The following HEBP2 variants were observed in gnomAD, a reference collection of about 807,000 sequenced individuals.
HEBP2 encodes heme binding protein 2.
In HEBP2, 27 loss-of-function variants were observed where a neutral mutation model predicts 23.1. The observed-to-expected ratio is 1.17, with a 90% CI of 0.86 to 1.61. The LOEUF (loss-of-function observed/expected upper bound fraction) is 1.61, where lower values mean the gene tolerates loss of function less well. Ranked by LOEUF, HEBP2 falls within the 40% of genes most tolerant of loss-of-function variation. The pLI, the probability that HEBP2 is intolerant of heterozygous loss-of-function variation, is 0.00. For missense variants in HEBP2, 245 were observed against 253.8 expected, an observed-to-expected ratio of 0.97 and a Z score of 0.24; for synonymous variants, 99 against 95.1, an observed-to-expected ratio of 1.04 and a Z score of -0.24.
chr6:138,406,731 C>CGAT, intron 3 of HEBP2, among the ~76,000 whole-genome samples: 1 of 152,338 alleles, frequency 6.6e-6, no homozygotes, highest in South Asian at 2.1e-4. Flanking sequence ...TCTCCTAATA[C>CGAT]TATCACATTA....
rs1774869062 is a variant in HEBP2, at chr6:138,418,247, T to C, written c.*5169T>C. On this transcript the variant is annotated 3_prime_UTR_variant, in exon 4 of 4. Transcript: ENST00000607197. ...GAAGAAATTAGCAGCTTGAATTATGTGATGTGGCAGATCTTATGTATTGGA... is the reference window on the plus strand; with the variant it reads ...GAAGAAATTAGCAGCTTGAATTATGCGATGTGGCAGATCTTATGTATTGGA... 1 of 152,172 alleles carries C rather than the reference T, an allele frequency of 6.6e-6. No homozygotes were observed. Among genetic ancestry groups the C allele is most frequent in the Admixed American group, 6.5e-5 (1 of 15,280 alleles). The allele number at this position is 152,172 out of a possible 1,614,324, so 9.4% of individuals were successfully genotyped here.
chr6:138,411,240 A>G (rs1228823296), intron 3 of HEBP2, among the ~76,000 whole-genome samples: 2 of 152,230 alleles, frequency 1.3e-5, no homozygotes, highest in Non-Finnish European at 2.9e-5. Flanking sequence ...ATGTATACTT[A>G]AACTTTTATT....
intron 2 of HEBP2, 90 bp downstream of exon 2, chr6:138,405,370 A>G (rs1429177672): frequency 2.0e-6 from 3 of 1,504,510 alleles, no homozygotes; most frequent in Non-Finnish European, 2.7e-6. Flanking sequence ...AATATCCTTT[A>G]TAATGGAAAA....
chr6:138,421,429 A>G lies in HEBP2; in HGVS notation c.*8351A>G, dbSNP rs567500593. 1 of 152,370 alleles carries G rather than the reference A, an allele frequency of 6.6e-6. No individual in the cohort carries two copies. Among genetic ancestry groups the G allele is most frequent in the East Asian group, 1.9e-4 (1 of 5,192 alleles). The allele number at this position is 152,370 out of a possible 1,614,324, so 9.4% of individuals were successfully genotyped here. On this transcript the variant is annotated 3_prime_UTR_variant, in exon 4 of 4. Transcript: ENST00000607197. ...AGCAAGAGTTCAATCAAGATTCTTC[A>G]GAAATAGTAGGATGGCAGAAAGCAG...
rs957950160 is a variant in HEBP2, at chr6:138,415,277, C to T, written c.*2199C>T. The T allele has an allele frequency of 3.9e-5, 6 of 152,258 alleles. No homozygotes were observed. In the East Asian group the frequency reaches 1.2e-3, roughly 29 times the overall value. 9.4% of individuals were successfully genotyped at this position (152,258 alleles called of 1,614,324 possible). A position where few individuals can be genotyped will look rare whatever the true frequency, so the allele number is the denominator to read the frequency against. ...ACAATTGGTACCAGTGGCCCACGAA[C>T]GTAGGTGGTAAGACAGCATTTGCAG... is the stretch of plus-strand genomic sequence containing the variant. On this transcript the variant is annotated 3_prime_UTR_variant, in exon 4 of 4. Coordinates refer to ENST00000607197, the MANE Select transcript of HEBP2 (RefSeq NM_014320.3).
At chr6:138,405,326 C>G (rs1441628224) in intron 2 of HEBP2, 46 bp downstream of exon 2, 1 of 1,606,876 alleles carries the variant, frequency 6.2e-7, no homozygotes, top group Non-Finnish European at 8.5e-7. Context: ...GAAAGAGTCC[C>G]CGGGCTTATT....
chr6:138,404,312 C>T lies in HEBP2; in HGVS notation c.-184C>T, dbSNP rs540446088. The T allele has an allele frequency of 3.3e-3, 1,163 of 351,540 alleles. 12 individuals are homozygous for T. The highest frequency in any genetic ancestry group is 0.022 in the African/African-American group (1,047 of 46,760). The allele number at this position is 351,540 out of a possible 1,614,324, so 21.8% of individuals were successfully genotyped here. ...AGCCGGCCCCGCCTTGGTGGCGGCG[C>T]CCCCTCGCGGTCCAGAGGCAGACGC... On this transcript the variant is annotated 5_prime_UTR_variant, in exon 1 of 4. Transcript: ENST00000607197.
Position 138,405,388 on chromosome 6 carries a change from A to G in HEBP2, c.238+108A>G, listed in dbSNP as rs1774626708. The stretch of plus-strand genomic sequence containing the variant: ...ATCCTTTATAATGGAAAAATAAGCA[A>G]GTCATCAAAGACTTGTCTTGTTTTC... On this transcript the variant is annotated intron_variant, in intron 2 of 3. Transcript: ENST00000607197. The G allele has an allele frequency of 1.7e-5, 24 of 1,377,070 alleles. No homozygotes were observed. In the East Asian group the frequency reaches 5.5e-4, roughly 31 times the overall value. The allele number at this position is 1,377,070 out of a possible 1,614,324, so 85.3% of individuals were successfully genotyped here.
Position 138,417,966 on chromosome 6 carries a change from C to T in HEBP2, c.*4888C>T, listed in dbSNP as rs1335424971. On this transcript the variant is annotated 3_prime_UTR_variant, in exon 4 of 4. Transcript: ENST00000607197. ...GGTCAAATTGTCCCTAGACCAAAGG[C>T]TTCTTTGGACTTCCCCTAACAAAGC... 2 of 152,152 alleles carry T rather than the reference C, an allele frequency of 1.3e-5. No homozygotes were observed. Among genetic ancestry groups the T allele is most frequent in the Non-Finnish European group, 1.5e-5 (1 of 68,036 alleles). The allele number at this position is 152,152 out of a possible 1,614,324, so 9.4% of individuals were successfully genotyped here.
At chr6:138,411,953 C>CA in intron 3 of HEBP2, 2 of 366,060 alleles carry the variant, frequency 5.5e-6, no homozygotes, top group Non-Finnish European at 1.1e-5. Context: ...AAAAAACAAA[C>CA]AAACAAAAAA....
rs780091303 is a variant in HEBP2, at chr6:138,412,795, C to T, written c.420-85C>T. 3.8e-5 allele frequency: 44 copies of T among 1,156,984 alleles called. 1 individual carries two copies. The highest frequency in any genetic ancestry group is 1.3e-4 in the Admixed American group (7 of 54,320). The allele number at this position is 1,156,984 out of a possible 1,614,324, so 71.7% of individuals were successfully genotyped here. On this transcript the variant is annotated intron_variant, in intron 3 of 3. Coordinates refer to ENST00000607197, the MANE Select transcript of HEBP2 (RefSeq NM_014320.3). ...GGAGCTGCACTTCACTCAGCATTCA[C>T]GGTACTAGCGCCCGCTTTTTGCTTC...
intron 2 of HEBP2, 152 bp from the exon 3 acceptor site, chr6:138,405,819 T>C: frequency 1.6e-6 from 1 of 631,828 alleles, no homozygotes; most frequent in Non-Finnish European, 2.7e-6. Flanking sequence ...AATTGAGTAA[T>C]TTTGGCCTTA....
rs1774834509 is a variant in HEBP2, at chr6:138,415,921, G to GT, written c.*2844dup. 2 of 152,300 alleles carry GT rather than the reference G, an allele frequency of 1.3e-5. No individual in the cohort carries two copies. Among genetic ancestry groups the GT allele is most frequent in the South Asian group, 4.2e-4 (2 of 4,816 alleles). 9.4% of individuals were successfully genotyped at this position (152,300 alleles called of 1,614,324 possible). A position where few individuals can be genotyped will look rare whatever the true frequency, so the allele number is the denominator to read the frequency against. ...CTCTTCCCTAACACAAGGGAAGACA[G>GT]TGTCCAAGGTCTTTCCCCATGAAGC... On this transcript the variant is annotated 3_prime_UTR_variant, in exon 4 of 4. Coordinates refer to ENST00000607197, the MANE Select transcript of HEBP2 (RefSeq NM_014320.3).
chr6:138,404,074 C>T (rs1583100134), upstream of HEBP2: 1 of 218,118 alleles, frequency 4.6e-6, no homozygotes, highest in Non-Finnish European at 8.9e-6. Context: ...CGGGCGGGGC[C>T]GCGGCAGAGG....
At chr6:138,405,505 C>T (rs527675886) in intron 2 of HEBP2, among the ~76,000 whole-genome samples, 1 of 152,126 alleles carries the variant, frequency 6.6e-6, no homozygotes, top group East Asian at 1.9e-4. Flanking sequence ...TTTGGTGTAA[C>T]TCGTGATAAG....
chr6:138,403,570 G>A, upstream of HEBP2: 1 of 466,566 alleles, frequency 2.1e-6, no homozygotes, highest in South Asian at 3.6e-5. Flanking sequence ...CACGATGGGA[G>A]TCCTCTGGGG....
At chr6:138,407,210 T>A (rs1467250696) in intron 3 of HEBP2, among the ~76,000 whole-genome samples, 1 of 152,166 alleles carries the variant, frequency 6.6e-6, no homozygotes, top group African/African-American at 2.4e-5. Context: ...ATCATCAAAA[T>A]CAAATCTGAG....
chr6:138,405,094 A>G (rs748587277), intron 1 of HEBP2, 51 bp from the exon 2 acceptor site: 1 of 1,582,166 alleles, frequency 6.3e-7, no homozygotes, highest in Admixed American at 1.8e-5. Context: ...TTTGCATCTC[A>G]CTCCTACCCT....
In HEBP2 at chr6:138,405,011, G is replaced by C. The variant is rs150516705; in HGVS notation, c.103-134G>C. On this transcript the variant is annotated intron_variant, in intron 1 of 3. Transcript: ENST00000607197. ...CCAGACCTAAGGAGCGGGGACCTCA[G>C]GCCGGACCCCGGGGCGGTGCAGCCC... 1.0e-5 allele frequency: 9 copies of C among 897,216 alleles called. No individual in the cohort carries two copies. The African/African-American group carries it at 1.2e-4, about 12-fold the overall frequency. The allele number at this position is 897,216 out of a possible 1,614,324, so 55.6% of individuals were successfully genotyped here.
Sources: allele counts gnomAD v4.1 joint callset (sites outside exome capture counted in the v4.1 genomes callset), GRCh38; gene constraint gnomAD v4.1.1; transcripts MANE v1.5; gene names NCBI Gene and HGNC (gene_info 2026-07-23, HGNC 2026-07-21).